RABGAP1L: variants seen among roughly 807,000 people sequenced by gnomAD.
RABGAP1L encodes the protein rab GTPase-activating protein 1-like.
Under a neutral mutation model 137.7 loss-of-function variants are expected in RABGAP1L, and 63 were observed. The ratio of observed to expected loss-of-function variants is 0.46; its 90% CI spans 0.37 to 0.56. RABGAP1L has a LOEUF of 0.56. Ranked by LOEUF, RABGAP1L falls within the 20% of genes least tolerant of loss-of-function variation. The pLI, the probability that RABGAP1L is intolerant of heterozygous loss-of-function variation, is 0.00. For missense variants in RABGAP1L, 1,095 were observed against 1,244.0 expected, an observed-to-expected ratio of 0.88 and a Z score of 1.80; for synonymous variants, 431 against 433.7, an observed-to-expected ratio of 0.99 and a Z score of 0.08.
chr1:174,481,492 C>T (rs1231805374), intron 13 of RABGAP1L, among the ~76,000 whole-genome samples: 2 of 152,188 alleles, frequency 1.3e-5, no homozygotes, highest in Non-Finnish European at 2.9e-5. Context: ...AGGCCTGGTT[C>T]ATAGGCCATC....
chr1:174,484,506 A>G (rs1659441528), intron 13 of RABGAP1L, among the ~76,000 whole-genome samples: 1 of 152,132 alleles, frequency 6.6e-6, no homozygotes, highest in African/African-American at 2.4e-5. Context: ...AGTTTCCCCA[A>G]TATTTTCTTG....
chr1:174,937,619 A>AATATATATATATATATAT lies in RABGAP1L; in HGVS notation c.2341-19822_2341-19821insATATATATATATATATAT, dbSNP rs148901840. On this transcript the variant is annotated intron_variant, in intron 19 of 25. Coordinates refer to ENST00000681986, the MANE Select transcript of RABGAP1L (RefSeq NM_001366446.1). ...ATTTTTAAATAGCAATACTTCATTA[A>AATATATATATATATATAT]ATATATATATATATATCTTGCAGTT... 1.9e-3 allele frequency among the ~76,000 whole-genome samples: 211 copies of AATATATATATATATATAT among 109,636 alleles called. 14 individuals are homozygous for AATATATATATATATATAT. The highest frequency in any genetic ancestry group is 8.0e-3 in the African/African-American group (159 of 19,910). 71.9% of individuals were successfully genotyped at this position (109,636 alleles called of 152,430 possible). A position where few individuals can be genotyped will look rare whatever the true frequency, so the allele number is the denominator to read the frequency against.
At chr1:174,839,056 T>TGTG (rs1553261082) in intron 19 of RABGAP1L, among the ~76,000 whole-genome samples, 8 of 140,946 alleles carry the variant, frequency 5.7e-5, no homozygotes, top group East Asian at 2.1e-4. Context: ...TGTGTGTGTG[T>TGTG]TGGTAGGGGT....
At chr1:174,779,776 C>T (rs1172541144) in intron 18 of RABGAP1L, among the ~76,000 whole-genome samples, 1 of 152,086 alleles carries the variant, frequency 6.6e-6, no homozygotes, top group African/African-American at 2.4e-5. Context: ...TACTGAACTC[C>T]TTTCTTTTGA....
intron 10 of RABGAP1L, 30 bp downstream of exon 10, chr1:174,278,809 G>A (rs200058111): frequency 4.5e-5 from 63 of 1,388,306 alleles, no homozygotes; most frequent in Non-Finnish European, 5.8e-5. Context: ...TTCATATATA[G>A]TAACAAACAT....
chr1:174,572,961 C>G lies in RABGAP1L; in HGVS notation c.1711-64414C>G, dbSNP rs1195084760. The stretch of plus-strand genomic sequence containing the variant: ...ATGTTGGCAGTTAATTAAGCCAATT[C>G]CTTCATTTTGTGGTTAAGTGCACTC... On this transcript the variant is annotated intron_variant, in intron 13 of 25. Coordinates refer to ENST00000681986, the MANE Select transcript of RABGAP1L (RefSeq NM_001366446.1). Among the ~76,000 whole-genome samples, 3 of 151,252 alleles carry G rather than the reference C, an allele frequency of 2.0e-5. No homozygotes were observed. The East Asian group carries it at 5.8e-4, about 29-fold the overall frequency.
chr1:174,584,756 G>A (rs1668991359), intron 13 of RABGAP1L, among the ~76,000 whole-genome samples: 2 of 152,030 alleles, frequency 1.3e-5, no homozygotes, highest in Non-Finnish European at 2.9e-5. Flanking sequence ...AACACTCTTG[G>A]AGGCAGGTTT....
At chr1:174,732,999 GA>G (rs35633914) in intron 17 of RABGAP1L, among the ~76,000 whole-genome samples, 87,770 of 150,782 alleles carry the variant, frequency 0.58, 27,688 homozygotes, top group African/African-American at 0.85. Context: ...ATTTAATTCT[GA>G]AAAAAAAACC....
chr1:174,469,293 T>C (rs1657641779), intron 13 of RABGAP1L, among the ~76,000 whole-genome samples: 1 of 152,166 alleles, frequency 6.6e-6, no homozygotes, highest in South Asian at 2.1e-4. Flanking sequence ...GAAAGTTTCA[T>C]ATTATTGTCT....
chr1:174,673,282 T>C (rs899370932), intron 14 of RABGAP1L, among the ~76,000 whole-genome samples: 2 of 152,212 alleles, frequency 1.3e-5, no homozygotes, highest in Non-Finnish European at 2.9e-5. Context: ...ATTCATTAGA[T>C]AACGATTCCC....
chr1:174,566,384 A>G (rs1324176462), intron 13 of RABGAP1L, among the ~76,000 whole-genome samples: 10 of 151,974 alleles, frequency 6.6e-5, no homozygotes, highest in Admixed American at 6.6e-4. Flanking sequence ...AAGGTGGAGG[A>G]GAACTTCTGG....
At chr1:174,256,830 C>T (rs1169921333) in intron 7 of RABGAP1L, among the ~76,000 whole-genome samples, 1 of 152,192 alleles carries the variant, frequency 6.6e-6, no homozygotes, top group East Asian at 1.9e-4. Context: ...TATCCTGCTC[C>T]TCATCAAAAT....
At chr1:174,732,833 G>A (rs1318244360) in intron 17 of RABGAP1L, among the ~76,000 whole-genome samples, 1 of 152,094 alleles carries the variant, frequency 6.6e-6, no homozygotes, top group Non-Finnish European at 1.5e-5. Flanking sequence ...CCAAAGGCAC[G>A]AATGGATGCA....
At chr1:174,958,748 T>C (rs755557905) in intron 20 of RABGAP1L, among the ~76,000 whole-genome samples, 4 of 152,216 alleles carry the variant, frequency 2.6e-5, no homozygotes, top group Non-Finnish European at 5.9e-5. Context: ...AGACCTGAAC[T>C]CAAATCTTGC....
At chr1:174,968,341 CTT>C (rs1468770667) in intron 20 of RABGAP1L, among the ~76,000 whole-genome samples, 3 of 152,248 alleles carry the variant, frequency 2.0e-5, no homozygotes, top group South Asian at 2.1e-4. Flanking sequence ...TGTCAGCTCT[CTT>C]TTGAATCTCC....
intron 13 of RABGAP1L, among the ~76,000 whole-genome samples, chr1:174,573,962 A>T (rs952806670): frequency 4.3e-4 from 66 of 152,352 alleles, no homozygotes; most frequent in African/African-American, 1.5e-3. Context: ...AAGATTAGAA[A>T]GGGAATGTTT....
In RABGAP1L at chr1:174,222,553, A is replaced by G. The variant is rs142095462; in HGVS notation, c.331+1389A>G. Reference sequence around the variant, plus strand: ...GGATAAAATTTAAAATTTTACATGTATATGCACATGTAAAGTTCTTGGAAA... The same window carrying G: ...GGATAAAATTTAAAATTTTACATGTGTATGCACATGTAAAGTTCTTGGAAA... On this transcript the variant is annotated intron_variant, in intron 3 of 25. Coordinates refer to ENST00000681986, the MANE Select transcript of RABGAP1L (RefSeq NM_001366446.1). Among the ~76,000 whole-genome samples the G allele has an allele frequency of 5.2e-4, 79 of 152,378 alleles. 1 individual carries two copies. In the East Asian group the frequency reaches 0.015, roughly 28 times the overall value.
At chr1:174,648,809 C>T (rs546394561) in intron 14 of RABGAP1L, among the ~76,000 whole-genome samples, 1 of 152,132 alleles carries the variant, frequency 6.6e-6, no homozygotes, top group Non-Finnish European at 1.5e-5. Flanking sequence ...GTGTTAAAGT[C>T]TCCCACTATT....
At chr1:174,662,611 C>T (rs1163126420) in intron 14 of RABGAP1L, among the ~76,000 whole-genome samples, 1 of 152,076 alleles carries the variant, frequency 6.6e-6, no homozygotes, top group Admixed American at 6.5e-5. Flanking sequence ...CCAGGCTGGT[C>T]TCGAACTCCT....
Sources: allele counts gnomAD v4.1 joint callset (sites outside exome capture counted in the v4.1 genomes callset), GRCh38; gene constraint gnomAD v4.1.1; transcripts MANE v1.5; gene names NCBI Gene and HGNC (gene_info 2026-07-23, HGNC 2026-07-21).